The following SRGAP1 variants were observed in gnomAD, a reference collection of about 807,000 sequenced individuals.
SRGAP1 encodes the protein SLIT-ROBO Rho GTPase activating protein 1.
SRGAP1 carries 43 observed loss-of-function variants against 121.9 expected under a neutral mutation model. That is an observed-to-expected ratio of 0.35 (90% CI 0.28 to 0.46). The LOEUF is 0.46. Ranked by LOEUF, SRGAP1 falls within the 20% of genes least tolerant of loss-of-function variation. The pLI is 1.00. For missense variants in SRGAP1, 1,102 were observed against 1,350.9 expected (o/e 0.82, Z 2.89); for synonymous variants, 447 against 485.4 (o/e 0.92, Z 1.04).
At chr12:63,942,239 T>C (rs571513132) in intron 1 of SRGAP1, among the ~76,000 whole-genome samples, 5 of 152,202 alleles carry the variant, frequency 3.3e-5, no homozygotes, top group African/African-American at 4.8e-5. Flanking sequence ...AAAAATACTT[T>C]ATTGTAGTTC....
intron 1 of SRGAP1, among the ~76,000 whole-genome samples, chr12:63,856,845 G>A (rs1241815202): frequency 1.3e-5 from 2 of 152,104 alleles, no homozygotes; most frequent in Non-Finnish European, 2.9e-5. Flanking sequence ...CATTTTGATT[G>A]GAATTGCGTG....
chr12:64,033,825 G>A (rs2034837760), intron 4 of SRGAP1, among the ~76,000 whole-genome samples: 1 of 152,068 alleles, frequency 6.6e-6, no homozygotes, highest in Non-Finnish European at 1.5e-5. Context: ...TTCAAGACCA[G>A]CCTGACCAAG....
intron 16 of SRGAP1, 166 bp downstream of exon 16, chr12:64,109,203 C>A: frequency 2.5e-6 from 1 of 403,550 alleles, no homozygotes; most frequent in Non-Finnish European, 4.4e-6. Flanking sequence ...AGCAGATCAA[C>A]ATCATTGATA....
chr12:63,956,492 T>C (rs1001383952), intron 1 of SRGAP1, among the ~76,000 whole-genome samples: 6 of 152,228 alleles, frequency 3.9e-5, no homozygotes, highest in African/African-American at 1.4e-4. Flanking sequence ...AAACAACTTG[T>C]GTAAACGCCT....
intron 6 of SRGAP1, among the ~76,000 whole-genome samples, chr12:64,043,904 A>G (rs181914654): frequency 6.6e-6 from 1 of 152,208 alleles, no homozygotes; most frequent in Non-Finnish European, 1.5e-5. Flanking sequence ...TTAATTCAAA[A>G]TATATTTATT....
At chr12:63,902,974 T>C (rs1241274774) in intron 1 of SRGAP1, among the ~76,000 whole-genome samples, 1 of 152,216 alleles carries the variant, frequency 6.6e-6, no homozygotes, top group Admixed American at 6.5e-5. Flanking sequence ...TTCTCATCTA[T>C]GTATAATGTA....
intron 1 of SRGAP1, among the ~76,000 whole-genome samples, chr12:63,864,345 C>T (rs1899552831): frequency 1.3e-5 from 2 of 152,174 alleles, no homozygotes; most frequent in South Asian, 2.1e-4. Context: ...TTCACAGTCT[C>T]ATAATACCAC....
chr12:63,965,310 G>A lies in SRGAP1; in HGVS notation c.68-18637G>A, dbSNP rs77408777. ...AAATGAATGTAACCTAGAGCTTTGC[G>A]TATTAGAAAAATATTTGAAAAGATA... On this transcript the variant is annotated intron_variant, in intron 1 of 21. Coordinates refer to ENST00000355086, the MANE Select transcript of SRGAP1 (RefSeq NM_020762.4). Among the ~76,000 whole-genome samples, 1,216 of 152,094 alleles carry A rather than the reference G, an allele frequency of 8.0e-3. 16 individuals carry two copies. The highest frequency in any genetic ancestry group is 0.028 in the African/African-American group (1,169 of 41,472).
chr12:63,897,497 T>C (rs1900792258), intron 1 of SRGAP1, among the ~76,000 whole-genome samples: 1 of 152,198 alleles, frequency 6.6e-6, no homozygotes, highest in South Asian at 2.1e-4. Context: ...TCAATGAAAT[T>C]TGTGTATAGT....
intron 2 of SRGAP1, among the ~76,000 whole-genome samples, chr12:63,988,833 C>T (rs2033482100): frequency 6.6e-6 from 1 of 152,184 alleles, no homozygotes; most frequent in South Asian, 2.1e-4. Context: ...GTTTTTGAGA[C>T]AGAGTCTCGC....
intron 1 of SRGAP1, among the ~76,000 whole-genome samples, chr12:63,951,219 A>G (rs555884354): frequency 6.8e-5 from 8 of 117,458 alleles, no homozygotes; most frequent in Non-Finnish European, 1.1e-4. Context: ...GCTGGAGTCC[A>G]GTGGTGTGAT....
At chr12:63,918,231 A>G (rs902328350) in intron 1 of SRGAP1, among the ~76,000 whole-genome samples, 2 of 152,142 alleles carry the variant, frequency 1.3e-5, no homozygotes, top group African/African-American at 4.8e-5. Context: ...AAAGTGCTAA[A>G]TTCTTTTTTT....
At chr12:63,948,587 T>C (rs1419235956) in intron 1 of SRGAP1, among the ~76,000 whole-genome samples, 1 of 151,848 alleles carries the variant, frequency 6.6e-6, no homozygotes, top group Non-Finnish European at 1.5e-5. Context: ...CATCTTTTTA[T>C]ATTTCATATT....
chr12:63,925,020 C>A (rs1328218886), intron 1 of SRGAP1, among the ~76,000 whole-genome samples: 1 of 152,156 alleles, frequency 6.6e-6, no homozygotes, highest in African/African-American at 2.4e-5. Context: ...GTCATTTTGG[C>A]ATGGTACAGG....
At chr12:63,917,172 T>C (rs1413046912) in intron 1 of SRGAP1, among the ~76,000 whole-genome samples, 2 of 152,328 alleles carry the variant, frequency 1.3e-5, no homozygotes, top group Admixed American at 6.5e-5. Flanking sequence ...TGAGCAAATA[T>C]ATGTACAACA....
At chr12:64,075,764 G>A (rs1463582023) in intron 8 of SRGAP1, among the ~76,000 whole-genome samples, 1 of 151,892 alleles carries the variant, frequency 6.6e-6, no homozygotes, top group Non-Finnish European at 1.5e-5. Context: ...TTTTCCAACA[G>A]TATCTACTCT....
At chr12:63,905,549 T>G (rs1224934383) in intron 1 of SRGAP1, among the ~76,000 whole-genome samples, 3 of 152,262 alleles carry the variant, frequency 2.0e-5, no homozygotes, top group Non-Finnish European at 2.9e-5. Context: ...TGGTCTTGAT[T>G]TATACAGAGC....
At chr12:63,859,820 T>G (rs1238993097) in intron 1 of SRGAP1, among the ~76,000 whole-genome samples, 1 of 152,206 alleles carries the variant, frequency 6.6e-6, no homozygotes, top group East Asian at 1.9e-4. Context: ...TCTTCTAATG[T>G]AAGCGTTAAC....
intron 3 of SRGAP1, among the ~76,000 whole-genome samples, chr12:64,002,252 A>G (rs1412378918): frequency 6.6e-6 from 1 of 152,206 alleles, no homozygotes; most frequent in Non-Finnish European, 1.5e-5. Context: ...CAATCCCAAA[A>G]TGGCAACAGC....
Sources: gnomAD v4.1 joint callset for allele counts (sites outside exome capture counted in the v4.1 genomes callset) on GRCh38, gnomAD v4.1.1 for gene constraint, MANE v1.5 for transcripts, NCBI Gene and HGNC (gene_info 2026-07-23, HGNC 2026-07-21) for gene names.